Variants in VAV2 observed in about 807,000 individuals in gnomAD.
The protein encoded by VAV2 is guanine nucleotide exchange factor VAV2.
VAV2 carries 67 observed loss-of-function variants against 132.5 expected under a neutral mutation model. The ratio of observed to expected loss-of-function variants is 0.51; its 90% CI spans 0.42 to 0.62. The LOEUF is 0.62. VAV2 is among the 20% of genes least tolerant of loss of function. The pLI, the probability that VAV2 is intolerant of heterozygous loss-of-function variation, is 0.00. For missense variants in VAV2, 938 were observed against 1,153.6 expected (o/e 0.81, Z 2.71); for synonymous variants, 492 against 443.5 (o/e 1.11, Z -1.37).
At chr9:133,896,315 ATGGTGGCAGGTGCC>A (rs1839202229) in intron 2 of VAV2, among the ~76,000 whole-genome samples, 1 of 152,140 alleles carries the variant, frequency 6.6e-6, no homozygotes, top group African/African-American at 2.4e-5. Context: ...TTAGATGGGC[ATGGTGGCAGGTGCC>A]TGTAATCCCA....
rs569044615 is a variant in VAV2 at position 133,834,573 on chromosome 9, T to A, written c.381-233A>T. Among the ~76,000 whole-genome samples the A allele has an allele frequency of 6.6e-6, 1 of 152,350 alleles. No individual in the cohort carries two copies. The highest frequency in any genetic ancestry group is 2.4e-5 in the African/African-American group (1 of 41,586). ...CCTACTTGCCAGGGGGCAAGGAATG[T>A]GTCACGCCCACTCCGGGCTCCGGGT... On this transcript the variant is annotated intron_variant, in intron 3 of 29. Transcript: ENST00000371850. The surrounding 1 kb of genome is among the most constrained non-coding windows in gnomAD (Gnocchi z 5.9).
At chr9:133,889,322 T>C (rs1187816375) in intron 2 of VAV2, among the ~76,000 whole-genome samples, 4 of 152,150 alleles carry the variant, frequency 2.6e-5, no homozygotes, top group Non-Finnish European at 4.4e-5. Context: ...CCCACGCCTG[T>C]GTGGGAGACA....
intron 2 of VAV2, among the ~76,000 whole-genome samples, chr9:133,895,110 G>A (rs560670415): frequency 1.9e-3 from 285 of 152,226 alleles, no homozygotes; most frequent in African/African-American, 6.4e-3. Context: ...GCCCGCAGGA[G>A]AATGACACCA....
chr9:133,783,390 T>A, intron 19 of VAV2, 113 bp downstream of exon 19: 1 of 1,003,222 alleles, frequency 1.0e-6, no homozygotes, highest in East Asian at 2.4e-5. Context: ...GGTGCCCTCA[T>A]CTGGTCGCTG....
At chr9:133,785,199 G>A (rs1395062965) in intron 17 of VAV2, among the ~76,000 whole-genome samples, 1 of 152,164 alleles carries the variant, frequency 6.6e-6, no homozygotes, top group Non-Finnish European at 1.5e-5. Flanking sequence ...GGTCAGAGAG[G>A]CGAGTGCACC....
At chr9:133,941,884 G>A (rs1841175552) in intron 1 of VAV2, among the ~76,000 whole-genome samples, 2 of 152,294 alleles carry the variant, frequency 1.3e-5, no homozygotes, top group South Asian at 4.2e-4. Flanking sequence ...GATTACAGGC[G>A]TGAGCCACCA....
intron 25 of VAV2, among the ~76,000 whole-genome samples, chr9:133,772,775 G>T (rs144043747): frequency 1.9e-3 from 290 of 152,190 alleles, no homozygotes; most frequent in Non-Finnish European, 3.3e-3. Flanking sequence ...TGTCCTGAGA[G>T]ATGCAGGCAG....
At chr9:133,861,178 G>A (rs560345096) in intron 3 of VAV2, 196 bp downstream of exon 3, 22 of 512,508 alleles carry the variant, frequency 4.3e-5, no homozygotes, top group Non-Finnish European at 6.4e-5. Context: ...AGATTTCCCC[G>A]GTGTGAGCTG....
At chr9:133,807,871 G>A (rs920196372) in intron 7 of VAV2, among the ~76,000 whole-genome samples, 3 of 152,248 alleles carry the variant, frequency 2.0e-5, no homozygotes, top group Admixed American at 6.5e-5. Context: ...ACATGAGGAC[G>A]TGTGAGGCTG....
At chr9:133,845,510 T>C (rs1255357841) in intron 3 of VAV2, among the ~76,000 whole-genome samples, 2 of 152,304 alleles carry the variant, frequency 1.3e-5, no homozygotes, top group South Asian at 2.1e-4. Context: ...CAAGGGGGAC[T>C]GGGTGACGCA....
intron 1 of VAV2, among the ~76,000 whole-genome samples, chr9:133,973,766 C>A (rs1842418479): frequency 6.6e-6 from 1 of 152,152 alleles, no homozygotes. Context: ...GCCTACCCAC[C>A]CATCAACACC....
intron 2 of VAV2, among the ~76,000 whole-genome samples, chr9:133,895,934 T>TGGGAGCGCGAGGCATGCGGA (rs1195317034): frequency 5.0e-4 from 68 of 134,686 alleles, no homozygotes; most frequent in East Asian, 6.2e-4. Flanking sequence ...AAATCTTTTT[T>TGGGAGCGCGAGGCATGCGGA]TTTTTTTTTT....
chr9:133,957,001 C>T (rs942053966), intron 1 of VAV2, among the ~76,000 whole-genome samples: 2 of 152,210 alleles, frequency 1.3e-5, no homozygotes, highest in African/African-American at 4.8e-5. Flanking sequence ...AGCACCCACC[C>T]ACCTGCCCAG....
intron 2 of VAV2, 70 bp from the exon 3 acceptor site, chr9:133,861,502 C>T (rs376668233): frequency 2.4e-5 from 37 of 1,565,362 alleles, no homozygotes; most frequent in African/African-American, 1.5e-4. Flanking sequence ...GAACTGGGGA[C>T]GCTGCTTTGC....
chr9:133,815,581 A>G (rs911443847), intron 4 of VAV2, among the ~76,000 whole-genome samples: 2 of 152,096 alleles, frequency 1.3e-5, no homozygotes, highest in Non-Finnish European at 2.9e-5. Context: ...TCTTCCCCTC[A>G]ACATTGGATC....
intron 1 of VAV2, among the ~76,000 whole-genome samples, chr9:133,940,447 G>C (rs2810533): frequency 0.67 from 102,436 of 152,012 alleles, 34,727 homozygotes; most frequent in East Asian, 0.81. Flanking sequence ...GTCAGAATCA[G>C]AGCCTAAGAG....
chr9:133,886,522 C>T (rs934573732), intron 2 of VAV2, among the ~76,000 whole-genome samples: 1 of 152,214 alleles, frequency 6.6e-6, no homozygotes, highest in Non-Finnish European at 1.5e-5. Context: ...CTTGACAGCA[C>T]CACACACCTG....
intron 4 of VAV2, among the ~76,000 whole-genome samples, chr9:133,813,117 C>T (rs887079646): frequency 1.3e-5 from 2 of 152,216 alleles, no homozygotes; most frequent in Admixed American, 6.5e-5. Context: ...CCACAGGCCC[C>T]GTTGGGGGCT....
At chr9:133,946,138 T>C (rs1488414034) in intron 1 of VAV2, among the ~76,000 whole-genome samples, 2 of 152,218 alleles carry the variant, frequency 1.3e-5, no homozygotes, top group Non-Finnish European at 2.9e-5. Flanking sequence ...CACGAGAACC[T>C]GGGCCCTTCA....
Sources: allele counts gnomAD v4.1 joint callset (sites outside exome capture counted in the v4.1 genomes callset), GRCh38; gene constraint gnomAD v4.1.1; non-coding constraint Gnocchi (gnomAD v3.1); transcripts MANE v1.5; gene names NCBI Gene and HGNC (gene_info 2026-07-23, HGNC 2026-07-21).